The following SNX29 variants were observed in gnomAD, a reference collection of about 807,000 sequenced individuals.
SNX29 encodes the protein sorting nexin-29.
A neutral mutation model predicts 102.1 loss-of-function variants in SNX29; 78 were observed. The ratio of observed to expected loss-of-function variants is 0.76; its 90% CI spans 0.64 to 0.92. The LOEUF (loss-of-function observed/expected upper bound fraction) is 0.92, where lower values mean the gene tolerates loss of function less well. Ranked by LOEUF, SNX29 falls within the 40% of genes least tolerant of loss-of-function variation. The pLI is 0.00. For synonymous variants in SNX29, 580 were observed against 414.5 expected, an observed-to-expected ratio of 1.40 and a Z score of -4.85; for missense variants, 1,280 against 1,061.7, an observed-to-expected ratio of 1.21 and a Z score of -2.86.
Position 12,568,656 on chromosome 16 carries a change from C to A in SNX29, c.*27C>A, listed in dbSNP as rs768651100. Reference sequence around the variant, plus strand: ...CTCGACAAAACCGCAGCCACGGGCCCTGTGCGTGGCACCAGCTGCGTCCAC... The same window carrying A: ...CTCGACAAAACCGCAGCCACGGGCCATGTGCGTGGCACCAGCTGCGTCCAC... On this transcript the variant is annotated 3_prime_UTR_variant, in exon 21 of 21. Transcript: ENST00000566228. The A allele has an allele frequency of 3.8e-6, 6 of 1,597,710 alleles. No homozygotes were observed. The highest frequency in any genetic ancestry group is 4.5e-5 in the East Asian group (2 of 44,786).
At chr16:12,548,933 T>C (rs1314468432) in intron 20 of SNX29, among the ~76,000 whole-genome samples, 2 of 152,222 alleles carry the variant, frequency 1.3e-5, no homozygotes, top group African/African-American at 4.8e-5. Context: ...GTACCTGCTA[T>C]GGCCTGGCAT....
chr16:12,227,419 ACTGC>A (rs1275382976), intron 14 of SNX29, among the ~76,000 whole-genome samples: 2 of 152,208 alleles, frequency 1.3e-5, no homozygotes, highest in Non-Finnish European at 2.9e-5. Flanking sequence ...TTTATGGTTA[ACTGC>A]CTGGAATTCT....
intron 17 of SNX29, among the ~76,000 whole-genome samples, chr16:12,399,505 C>T (rs1272274600): frequency 6.6e-6 from 1 of 152,226 alleles, no homozygotes; most frequent in African/African-American, 2.4e-5. Flanking sequence ...CCTTTTAGAG[C>T]AGGCAGGGCT....
intron 19 of SNX29, among the ~76,000 whole-genome samples, chr16:12,485,035 C>A (rs1567612055): frequency 6.6e-6 from 1 of 152,312 alleles, no homozygotes; most frequent in Admixed American, 6.5e-5. Flanking sequence ...GGAAGAGTTT[C>A]CCTTTTATTT....
At chr16:12,473,004 G>C (rs2087431574) in intron 18 of SNX29, among the ~76,000 whole-genome samples, 2 of 152,144 alleles carry the variant, frequency 1.3e-5, no homozygotes, top group South Asian at 4.1e-4. Context: ...TGTCAGAAGA[G>C]GTCAACTCTT....
In SNX29 at chr16:12,570,860, C is replaced by G. The variant is rs1000710144; in HGVS notation, c.*2231C>G. Reference sequence around the variant, plus strand: ...GCTGGTATTGAACTGGTGGGAGAAACTGCCTCCTACTTTTATAATACTGAA... The same window carrying G: ...GCTGGTATTGAACTGGTGGGAGAAAGTGCCTCCTACTTTTATAATACTGAA... On this transcript the variant is annotated 3_prime_UTR_variant, in exon 21 of 21. Coordinates refer to ENST00000566228, the MANE Select transcript of SNX29 (RefSeq NM_032167.5). 1.2e-4 allele frequency: 27 copies of G among 232,082 alleles called. No individual in the cohort carries two copies. The highest frequency in any genetic ancestry group is 4.6e-4 in the African/African-American group (21 of 45,394). The allele number at this position is 232,082 out of a possible 1,614,324, so 14.4% of individuals were successfully genotyped here.
chr16:12,461,568 C>A (rs1487294266), intron 18 of SNX29, among the ~76,000 whole-genome samples: 1 of 152,102 alleles, frequency 6.6e-6, no homozygotes, highest in African/African-American at 2.4e-5. Flanking sequence ...AAAGTAACCT[C>A]CCATCCGTCA....
At chr16:11,980,176 C>T (rs1342982924) in intron 1 of SNX29, among the ~76,000 whole-genome samples, 1 of 152,156 alleles carries the variant, frequency 6.6e-6, no homozygotes, top group Non-Finnish European at 1.5e-5. Context: ...ATCTTTCCCC[C>T]TCCCCTCAGA....
intron 20 of SNX29, among the ~76,000 whole-genome samples, chr16:12,553,569 G>T (rs932468223): frequency 9.9e-5 from 15 of 151,436 alleles, no homozygotes; most frequent in African/African-American, 3.6e-4. Flanking sequence ...AGGAGCTGTG[G>T]GCTCTGAGGA....
chr16:12,553,273 G>A (rs532967211), intron 20 of SNX29, among the ~76,000 whole-genome samples: 3 of 152,328 alleles, frequency 2.0e-5, no homozygotes, highest in African/African-American at 7.2e-5. Flanking sequence ...GCCGCCTAGG[G>A]GCACAGAGTA....
intron 19 of SNX29, among the ~76,000 whole-genome samples, chr16:12,514,122 C>T (rs1238838795): frequency 1.3e-5 from 2 of 152,162 alleles, no homozygotes; most frequent in East Asian, 3.8e-4. Context: ...TCCCAGCTGG[C>T]TAATGCTTGA....
intron 20 of SNX29, among the ~76,000 whole-genome samples, chr16:12,538,849 G>C (rs1456103419): frequency 6.6e-6 from 1 of 152,138 alleles, no homozygotes; most frequent in Non-Finnish European, 1.5e-5. Context: ...TGGCAAAGAG[G>C]GGCACAGAGA....
rs535017659 is a variant in SNX29, at chr16:12,445,902, C to G, written c.2038-31817C>G. ...GAACACCTGAGAGGCTAAGCCACTTCCCCAAGGACACTAAGCTAGTAAATG... is the reference window on the plus strand; with the variant it reads ...GAACACCTGAGAGGCTAAGCCACTTGCCCAAGGACACTAAGCTAGTAAATG... On this transcript the variant is annotated intron_variant, in intron 18 of 20. Transcript: ENST00000566228. Among the ~76,000 whole-genome samples, 77 of 152,312 alleles carry G rather than the reference C, an allele frequency of 5.1e-4. 1 individual carries two copies. The highest frequency in any genetic ancestry group is 1.8e-3 in the African/African-American group (73 of 41,574).
intron 18 of SNX29, among the ~76,000 whole-genome samples, chr16:12,425,813 G>A (rs1045408447): frequency 6.6e-6 from 1 of 152,062 alleles, no homozygotes; most frequent in African/African-American, 2.4e-5. Context: ...ATCTTGTGCT[G>A]AGAGCTACAT....
rs1472075350 is a variant in SNX29, at chr16:12,572,821, T to A, written c.*4192T>A. Reference sequence around the variant, plus strand: ...AGTACATCAGACTGGTTAGGAGGCATCCCAGAAGGGGCAGCCTCATGCCCA... The same window carrying A: ...AGTACATCAGACTGGTTAGGAGGCAACCCAGAAGGGGCAGCCTCATGCCCA... On this transcript the variant is annotated 3_prime_UTR_variant, in exon 21 of 21. Transcript: ENST00000566228. 1 of 1,063,894 alleles carries A rather than the reference T, an allele frequency of 9.4e-7. No homozygotes were observed. Among genetic ancestry groups the A allele is most frequent in the African/African-American group, 1.6e-5 (1 of 61,084 alleles). 65.9% of individuals were successfully genotyped at this position (1,063,894 alleles called of 1,614,324 possible). A position where few individuals can be genotyped will look rare whatever the true frequency, so the allele number is the denominator to read the frequency against.
intron 14 of SNX29, among the ~76,000 whole-genome samples, chr16:12,239,602 A>G (rs2078037542): frequency 1.5e-5 from 2 of 134,972 alleles, no homozygotes; most frequent in Admixed American, 8.6e-5. Context: ...CCAAAGCTGG[A>G]GAATCACTTG....
rs1298975119 is a variant in SNX29 at position 12,573,331 on chromosome 16, T to A, written c.*4702T>A. 2 of 226,112 alleles carry A rather than the reference T, an allele frequency of 8.8e-6. No homozygotes were observed. The highest frequency in any genetic ancestry group is 1.3e-4 in the East Asian group (2 of 15,672). 14.0% of individuals were successfully genotyped at this position (226,112 alleles called of 1,614,324 possible). A position where few individuals can be genotyped will look rare whatever the true frequency, so the allele number is the denominator to read the frequency against. ...CCCGATTTGGGTACTCTGAATTATG[T>A]CATGGAGTAGACAGTTACTTCTAAA... On this transcript the variant is annotated 3_prime_UTR_variant, in exon 21 of 21. Coordinates refer to ENST00000566228, the MANE Select transcript of SNX29 (RefSeq NM_032167.5).
chr16:12,284,106 A>G (rs545391336), intron 15 of SNX29, among the ~76,000 whole-genome samples: 16 of 152,342 alleles, frequency 1.1e-4, no homozygotes, highest in South Asian at 2.1e-4. Flanking sequence ...GAGATGTTCT[A>G]TTCTTTTTCA....
At chr16:12,018,103 C>A (rs2056904393) in intron 3 of SNX29, among the ~76,000 whole-genome samples, 1 of 151,992 alleles carries the variant, frequency 6.6e-6, no homozygotes, top group Non-Finnish European at 1.5e-5. Flanking sequence ...CAAGTCCTTC[C>A]TGCATTTGTT....
Sources: allele counts gnomAD v4.1 joint callset (sites outside exome capture counted in the v4.1 genomes callset), GRCh38; gene constraint gnomAD v4.1.1; transcripts MANE v1.5; gene names NCBI Gene and HGNC (gene_info 2026-07-23, HGNC 2026-07-21).